Variants in RIMBP2 observed in about 807,000 individuals in gnomAD.
RIMBP2 encodes the protein RIMS-binding protein 2.
A neutral mutation model predicts 118.6 loss-of-function variants in RIMBP2; 48 were observed. That is an observed-to-expected ratio of 0.40 (90% confidence interval 0.32 to 0.51). The LOEUF (loss-of-function observed/expected upper bound fraction) is 0.51. Ranked by LOEUF, RIMBP2 falls within the 20% of genes least tolerant of loss-of-function variation. RIMBP2 has a pLI of 0.41. For synonymous variants in RIMBP2, 762 were observed against 742.9 expected (o/e 1.03, Z -0.42); for missense variants, 1,551 against 1,768.3 (o/e 0.88, Z 2.20).
chr12:130,645,276 G>C (rs189679830), intron 1 of RIMBP2, among the ~76,000 whole-genome samples: 185 of 152,230 alleles, frequency 1.2e-3, no homozygotes, highest in East Asian at 9.7e-4. Context: ...ATTTTTAATA[G>C]AGACGGGTTT....
intron 2 of RIMBP2, among the ~76,000 whole-genome samples, chr12:130,599,959 C>G (rs1436940162): frequency 6.6e-6 from 1 of 152,172 alleles, no homozygotes; most frequent in Non-Finnish European, 1.5e-5. Context: ...ATCCGATCAC[C>G]TCCTTTGGAG....
At chr12:130,506,412 A>G (rs2050358433) in intron 4 of RIMBP2, among the ~76,000 whole-genome samples, 1 of 152,140 alleles carries the variant, frequency 6.6e-6, no homozygotes, top group Non-Finnish European at 1.5e-5. Flanking sequence ...TTAACATCCT[A>G]AAAAATGGAA....
At chr12:130,611,229 A>G (rs894545371) in intron 2 of RIMBP2, among the ~76,000 whole-genome samples, 1 of 152,152 alleles carries the variant, frequency 6.6e-6, no homozygotes, top group Non-Finnish European at 1.5e-5. Flanking sequence ...GGAACTGCAC[A>G]TTCCCCTCCC....
intron 1 of RIMBP2, among the ~76,000 whole-genome samples, chr12:130,686,869 C>T (rs538844018): frequency 2.6e-5 from 4 of 152,194 alleles, no homozygotes; most frequent in Non-Finnish European, 5.9e-5. Flanking sequence ...GAGGCCGCTA[C>T]GAGCCCAGAA....
At chr12:130,436,558 C>T (rs894412180) in intron 13 of RIMBP2, among the ~76,000 whole-genome samples, 1 of 152,218 alleles carries the variant, frequency 6.6e-6, no homozygotes, top group African/African-American at 2.4e-5. Flanking sequence ...CCTTGTCGCA[C>T]ACCAAGGCCA....
intron 17 of RIMBP2, among the ~76,000 whole-genome samples, chr12:130,418,281 A>C (rs2076216430): frequency 6.6e-6 from 1 of 152,244 alleles, no homozygotes; most frequent in Non-Finnish European, 1.5e-5. Context: ...AGCAGCCTTC[A>C]TTAATTTCTC....
intron 1 of RIMBP2, among the ~76,000 whole-genome samples, chr12:130,677,178 C>T (rs1020044248): frequency 1.3e-5 from 2 of 152,112 alleles, no homozygotes; most frequent in African/African-American, 4.8e-5. Flanking sequence ...AGGGACACTG[C>T]TCAGCCTTCT....
At chr12:130,530,582 G>C (rs1411028290) in intron 2 of RIMBP2, among the ~76,000 whole-genome samples, 1 of 152,162 alleles carries the variant, frequency 6.6e-6, no homozygotes, top group African/African-American at 2.4e-5. Context: ...TTTATGCTCT[G>C]AGCTTGCCAG....
intron 2 of RIMBP2, among the ~76,000 whole-genome samples, chr12:130,591,492 T>C (rs1486398570): frequency 6.6e-6 from 1 of 151,294 alleles, no homozygotes; most frequent in Non-Finnish European, 1.5e-5. Flanking sequence ...CTTAGAACAG[T>C]GGAAATTTAT....
chr12:130,607,421 T>C (rs10848158), intron 2 of RIMBP2, among the ~76,000 whole-genome samples: 54,373 of 151,912 alleles, frequency 0.36, 10,811 homozygotes, highest in South Asian at 0.49. Flanking sequence ...GTTGATAGCT[T>C]TCCTTGAATT....
intron 1 of RIMBP2, among the ~76,000 whole-genome samples, chr12:130,705,604 T>C (rs2066070995): frequency 1.3e-5 from 2 of 152,226 alleles, no homozygotes; most frequent in Non-Finnish European, 2.9e-5. Context: ...GTTTGCTGTG[T>C]TTCTCTGCGG....
chr12:130,397,113 A>G lies in RIMBP2; in HGVS notation c.*248T>C. On this transcript the variant is annotated 3_prime_UTR_variant, in exon 23 of 23. Transcript: ENST00000690449. Reference sequence around the variant, plus strand: ...AGCTATGCGCCCCCGTTTGTTAATAAGACGTCCCCTCCCACCTCCCAAATC... The same window carrying G: ...AGCTATGCGCCCCCGTTTGTTAATAGGACGTCCCCTCCCACCTCCCAAATC... 3.4e-6 allele frequency: 1 copy of G among 292,260 alleles called. No homozygotes were observed. The highest frequency in any genetic ancestry group is 6.3e-6 in the Non-Finnish European group (1 of 159,216). 18.1% of individuals were successfully genotyped at this position (292,260 alleles called of 1,614,324 possible). A position where few individuals can be genotyped will look rare whatever the true frequency, so the allele number is the denominator to read the frequency against.
chr12:130,687,656 G>T (rs1462771331), intron 1 of RIMBP2, among the ~76,000 whole-genome samples: 2 of 152,100 alleles, frequency 1.3e-5, no homozygotes, highest in East Asian at 3.9e-4. Context: ...AAATCATTTA[G>T]GCAATACAGA....
chr12:130,575,460 T>C (rs2058026893), intron 2 of RIMBP2, among the ~76,000 whole-genome samples: 1 of 152,070 alleles, frequency 6.6e-6, no homozygotes, highest in Non-Finnish European at 1.5e-5. Context: ...GACATTTCCA[T>C]CAAAGTAAAG....
chr12:130,517,786 C>CT, intron 3 of RIMBP2, 42 bp downstream of exon 3: 2 of 889,908 alleles, frequency 2.2e-6, no homozygotes, highest in Non-Finnish European at 2.7e-6. Flanking sequence ...AGCCCGCTCC[C>CT]TCCAGGGCCC....
chr12:130,410,264 G>T (rs10773779), intron 19 of RIMBP2, among the ~76,000 whole-genome samples: 48,327 of 152,106 alleles, frequency 0.32, 7,998 homozygotes, highest in East Asian at 0.51. Flanking sequence ...AAAGGTCTTT[G>T]TGTATTCTGA....
At chr12:130,473,637 C>T (rs972008530) in intron 5 of RIMBP2, among the ~76,000 whole-genome samples, 9 of 152,198 alleles carry the variant, frequency 5.9e-5, no homozygotes, top group Non-Finnish European at 8.8e-5. Context: ...GCAGAAAAGT[C>T]AGTGAGACTC....
chr12:130,571,595 T>C (rs2057666223), intron 2 of RIMBP2, among the ~76,000 whole-genome samples: 1 of 152,014 alleles, frequency 6.6e-6, no homozygotes, highest in South Asian at 2.1e-4. Context: ...AATTTTTATA[T>C]TTTTAATAGA....
Position 130,604,582 on chromosome 12 carries a change from C to CTTTT in RIMBP2, c.-217+23739_-217+23740insAAAA, listed in dbSNP as rs777097560. On this transcript the variant is annotated intron_variant, in intron 2 of 22. Transcript: ENST00000690449. ...AGTGCCCTATACAGATGCCCCTTTTCTTTCTTTTTTTTTTTTTTTGAGACA... is the reference window on the plus strand; with the variant it reads ...AGTGCCCTATACAGATGCCCCTTTTCTTTTTTTCTTTTTTTTTTTTTTTGAGACA... Among the ~76,000 whole-genome samples, 204 of 67,112 alleles carry CTTTT rather than the reference C, an allele frequency of 3.0e-3. 6 individuals are homozygous for CTTTT. Among genetic ancestry groups the CTTTT allele is most frequent in the African/African-American group, 3.9e-3 (65 of 16,720 alleles). 44.0% of individuals were successfully genotyped at this position (67,112 alleles called of 152,430 possible). A position where few individuals can be genotyped will look rare whatever the true frequency, so the allele number is the denominator to read the frequency against.
Sources: allele counts gnomAD v4.1 joint callset (sites outside exome capture counted in the v4.1 genomes callset), GRCh38; gene constraint gnomAD v4.1.1; transcripts MANE v1.5; gene names NCBI Gene and HGNC (gene_info 2026-07-23, HGNC 2026-07-21).